The following AKAP11 variants were observed in gnomAD, a reference collection of about 807,000 sequenced individuals.
AKAP11 encodes A-kinase anchoring protein 11, also known as A-kinase anchor protein 11.
AKAP11 carries 36 observed loss-of-function variants against 146.1 expected under a neutral mutation model. The ratio of observed to expected loss-of-function variants is 0.25; its 90% CI spans 0.19 to 0.33. The LOEUF (loss-of-function observed/expected upper bound fraction) is 0.33, where lower values mean the gene tolerates loss of function less well. Among genes scored for constraint, AKAP11 ranks in the 10% least tolerant of loss-of-function variants. The pLI, the probability that AKAP11 is intolerant of heterozygous loss-of-function variation, is 1.00. For missense variants in AKAP11, 2,201 were observed against 2,197.0 expected, an observed-to-expected ratio of 1.00 and a Z score of -0.04; for synonymous variants, 780 against 786.5, an observed-to-expected ratio of 0.99 and a Z score of 0.14.
At position 42,301,714 on chromosome 13, in the gene AKAP11, G is replaced by C; in HGVS notation, c.2968G>C (p.Asp990His). 1 of 1,614,148 alleles carries C rather than the reference G, an allele frequency of 6.2e-7. No individual in the cohort carries two copies. The highest frequency in any genetic ancestry group is 2.2e-5 in the East Asian group (1 of 44,888). Residue 990 changes from aspartate (D) to histidine (H), a missense_variant, in exon 8 of 13, where the codon GAC becomes CAC. Physicochemically the swap from Asp to His is moderately conservative, Grantham distance 81 (BLOSUM62 -1). Coordinates refer to ENST00000025301, the MANE Select transcript of AKAP11 (RefSeq NM_016248.4). ...LTPEKSPKFPDSQNQLTHCSL... is the reference protein window; with the variant it reads ...LTPEKSPKFPHSQNQLTHCSL... ...ACCAGAAAAGTCTCCCAAATTTCCTGACTCTCAGAATCAGTTAACTCACTG... is the reference window on the plus strand; with the variant it reads ...ACCAGAAAAGTCTCCCAAATTTCCTCACTCTCAGAATCAGTTAACTCACTG...
At chr13:42,272,412 C>T (rs1361628659) in intron 1 of AKAP11, among the ~76,000 whole-genome samples, 184 bp downstream of exon 1, 4 of 152,088 alleles carry the variant, frequency 2.6e-5, no homozygotes, top group Non-Finnish European at 5.9e-5. Context: ...GGGAGGAGGG[C>T]GGGAGGAGCG....
At chr13:42,284,705 C>T (rs1014210427) in intron 1 of AKAP11, among the ~76,000 whole-genome samples, 4 of 152,146 alleles carry the variant, frequency 2.6e-5, no homozygotes, top group South Asian at 2.1e-4. Flanking sequence ...CTGGTAAATA[C>T]GGTATCATAT....
rs562512672 is a variant in AKAP11, at chr13:42,288,788, TG to T, written c.51+2390del. ...AGGCTAGTTTTATTTTCTTGTACCA[TG>T]TTTCACATCTGGATTTCTCTGGTTG... On this transcript the variant is annotated intron_variant, in intron 3 of 12. Coordinates refer to ENST00000025301, the MANE Select transcript of AKAP11 (RefSeq NM_016248.4). Among the ~76,000 whole-genome samples, 216 of 152,368 alleles carry T rather than the reference TG, an allele frequency of 1.4e-3. 1 individual carries two copies. The highest frequency in any genetic ancestry group is 2.6e-3 in the Admixed American group (40 of 15,302).
chr13:42,292,247 A>G, intron 3 of AKAP11, 138 bp from the exon 4 acceptor site: 1 of 431,878 alleles, frequency 2.3e-6, no homozygotes, highest in Non-Finnish European at 4.2e-6. Flanking sequence ...AGTGGAATTG[A>G]GTTCCGCATT....
In AKAP11 at chr13:42,297,221, C is replaced by T. The variant is rs772652347; in HGVS notation, c.351+39C>T. ...ATAATTTCTAATGAGATTTTTAGGG[C>T]AAATTTTACTATATTTGATAAAGAT... On this transcript the variant is annotated intron_variant, in intron 6 of 12. Coordinates refer to ENST00000025301, the MANE Select transcript of AKAP11 (RefSeq NM_016248.4). 9 of 1,344,696 alleles carry T rather than the reference C, an allele frequency of 6.7e-6. No homozygotes were observed. In the South Asian group the frequency reaches 1.5e-4, roughly 23 times the overall value. The allele number at this position is 1,344,696 out of a possible 1,614,324, so 83.3% of individuals were successfully genotyped here.
chr13:42,301,334 C>T lies in AKAP11; in HGVS notation c.2588C>T (p.Ser863Leu). ...TNDDIEMQSS[S>L]KLPNDPAIIS... is the part of the protein sequence containing the mutation. ...GACGATATTGAAATGCAGAGTTCCT[C>T]AAAATTACCAAATGATCCTGCAATT... Residue 863 changes from serine (S) to leucine (L), a missense_variant, in exon 8 of 13, where the codon TCA (serine) becomes TTA (leucine). Ser to Leu is a moderately radical substitution (Grantham distance 145). Coordinates refer to ENST00000025301, the MANE Select transcript of AKAP11 (RefSeq NM_016248.4). The T allele has an allele frequency of 6.2e-7, 1 of 1,613,884 alleles. No individual in the cohort carries two copies. Among genetic ancestry groups the T allele is most frequent in the Non-Finnish European group, 8.5e-7 (1 of 1,179,944 alleles).
intron 1 of AKAP11, among the ~76,000 whole-genome samples, chr13:42,284,289 A>G (rs1959124015): frequency 6.6e-6 from 1 of 152,226 alleles, no homozygotes; most frequent in Non-Finnish European, 1.5e-5. Context: ...TGCTGAGTCA[A>G]AGAAGTATTT....
intron 1 of AKAP11, among the ~76,000 whole-genome samples, chr13:42,272,694 C>T (rs150709045): frequency 9.3e-4 from 142 of 152,284 alleles, no homozygotes; most frequent in African/African-American, 3.2e-3. Flanking sequence ...CACTGTCAGA[C>T]CCCCGGAGCC....
Position 42,299,569 on chromosome 13 carries a change from C to A in AKAP11, c.823C>A (p.Pro275Thr). The A allele has an allele frequency of 3.7e-6, 6 of 1,613,934 alleles. No individual in the cohort carries two copies. The highest frequency in any genetic ancestry group is 5.1e-6 in the Non-Finnish European group (6 of 1,179,874). The change falls in exon 8 of 13, where the codon CCT (proline) becomes ACT (threonine). Residue 275 changes from proline (P) to threonine (T), a missense_variant. Pro to Thr is a conservative substitution (Grantham distance 38, BLOSUM62 -1). Around this residue, in one of 3 missense-constraint regions of AKAP11, gnomAD observed 331 missense variants for 347.4 expected, o/e 0.95. Transcript: ENST00000025301. ...KTSVTTSISE[P>T]WTQRSFYRSS... ...TTCAGTCACAACATCAATTTCAGAG[C>A]CTTGGACCCAAAGGAGTTTCTATAG... is the stretch of plus-strand genomic sequence containing the variant.
In AKAP11 at chr13:42,321,059, G is replaced by A. The variant is rs1345400714; in HGVS notation, c.*1831G>A. On this transcript the variant is annotated 3_prime_UTR_variant, in exon 13 of 13. Coordinates refer to ENST00000025301, the MANE Select transcript of AKAP11 (RefSeq NM_016248.4). ...CCTTTAGCTTTTCAGAACTTGAGAT[G>A]TGGCAGCACTGGACTGGGTTTTTTT... is the stretch of plus-strand genomic sequence containing the variant. 3 of 152,342 alleles carry A rather than the reference G, an allele frequency of 2.0e-5. No individual in the cohort carries two copies. Among genetic ancestry groups the A allele is most frequent in the Non-Finnish European group, 4.4e-5 (3 of 68,034 alleles). The allele number at this position is 152,342 out of a possible 1,614,324, so 9.4% of individuals were successfully genotyped here.
chr13:42,286,188 T>G (rs751594294), intron 2 of AKAP11, 112 bp from the exon 3 acceptor site: 1 of 441,450 alleles, frequency 2.3e-6, no homozygotes, highest in East Asian at 3.7e-5. Context: ...TATTTTTGTT[T>G]TCATTTTTAT....
rs1959259202 is a variant in AKAP11, at chr13:42,292,572, C to G, written c.168+71C>G. The G allele has an allele frequency of 2.2e-5, 19 of 857,564 alleles. No individual in the cohort carries two copies. The South Asian group carries it at 5.9e-4, about 27-fold the overall frequency. 53.1% of individuals were successfully genotyped at this position (857,564 alleles called of 1,614,324 possible). A position where few individuals can be genotyped will look rare whatever the true frequency, so the allele number is the denominator to read the frequency against. Reference sequence around the variant, plus strand: ...TATTTTCATGCATCTTTGTAGGACTCTATGATCTATTTTTAAAATGCCTAA... The same window carrying G: ...TATTTTCATGCATCTTTGTAGGACTGTATGATCTATTTTTAAAATGCCTAA... On this transcript the variant is annotated intron_variant, in intron 4 of 12. Coordinates refer to ENST00000025301, the MANE Select transcript of AKAP11 (RefSeq NM_016248.4).
intron 9 of AKAP11, 28 bp downstream of exon 9, chr13:42,308,637 T>C (rs1442117994): frequency 6.3e-7 from 1 of 1,578,400 alleles, no homozygotes; most frequent in Non-Finnish European, 8.7e-7. Context: ...TATAATTGTG[T>C]AGTTTAGGTC....
At position 42,302,694 on chromosome 13, in the gene AKAP11, T is replaced by A. The variant is rs1566279701; in HGVS notation, c.3948T>A (p.Asp1316Glu). Residue 1316 changes from aspartate to glutamate, a missense_variant, in exon 8 of 13, where the codon GAT (aspartate) becomes GAA (glutamate). This residue lies in a region of AKAP11 where 1,867 missense variants were observed against 1,833.5 expected (regional missense o/e 1.02). Transcript: ENST00000025301. ...CTGTAGTGCACCCAAGAGAAGTGGA[T>A]CCGTTTATTCTTTCATTACCACCAA... ...IEAVVHPREV[D>E]PFILSLPPSS... is the part of the protein sequence containing the mutation. The A allele has an allele frequency of 6.2e-7, 1 of 1,613,994 alleles. No individual in the cohort carries two copies. The highest frequency in any genetic ancestry group is 8.5e-7 in the Non-Finnish European group (1 of 1,179,992).
At chr13:42,272,747 A>G (rs1958807751) in intron 1 of AKAP11, among the ~76,000 whole-genome samples, 1 of 152,182 alleles carries the variant, frequency 6.6e-6, no homozygotes. Flanking sequence ...GGAAGGCGTC[A>G]AGGGGCTCCT....
chr13:42,298,868 G>A (rs898294244), intron 7 of AKAP11, 71 bp downstream of exon 7: 4 of 1,436,934 alleles, frequency 2.8e-6, no homozygotes, highest in Non-Finnish European at 3.7e-6. Flanking sequence ...TTTTAAGGCA[G>A]GCTTGTTCAG....
intron 1 of AKAP11, among the ~76,000 whole-genome samples, chr13:42,284,158 A>G (rs1436946424): frequency 6.6e-6 from 1 of 152,226 alleles, no homozygotes; most frequent in Non-Finnish European, 1.5e-5. Flanking sequence ...CTTAAGGACA[A>G]CATGAGATGT....
At chr13:42,313,865 G>A (rs1377065713) in intron 10 of AKAP11, 29 bp from the exon 11 acceptor site, 5 of 1,592,298 alleles carry the variant, frequency 3.1e-6, no homozygotes, top group African/African-American at 1.4e-5. Flanking sequence ...AATTTTTTTT[G>A]TAACTGCTTC....
intron 1 of AKAP11, among the ~76,000 whole-genome samples, chr13:42,275,111 C>T (rs1958883046): frequency 6.6e-6 from 1 of 152,184 alleles, no homozygotes; most frequent in Non-Finnish European, 1.5e-5. Context: ...TCCAATTCAG[C>T]GTTTTGGGAA....
Sources: allele counts gnomAD v4.1 joint callset (sites outside exome capture counted in the v4.1 genomes callset), GRCh38; gene constraint gnomAD v4.1.1; regional missense constraint gnomAD v4.1.1; transcripts MANE v1.5; gene names NCBI Gene and HGNC (gene_info 2026-07-23, HGNC 2026-07-21).